ITSN1: variants seen among roughly 807,000 people sequenced by gnomAD.
ITSN1 encodes the protein intersectin 1.
In ITSN1, 58 loss-of-function variants were observed where a neutral mutation model predicts 239.8. The ratio of observed to expected loss-of-function variants is 0.24; its 90% CI spans 0.20 to 0.30. The LOEUF (loss-of-function observed/expected upper bound fraction) is 0.30, where lower values mean the gene tolerates loss of function less well. ITSN1 is among the 10% of genes least tolerant of loss of function. The probability of loss-of-function intolerance (pLI) is 1.00; values close to 1 mark genes in which losing one functional copy is unlikely to be tolerated. For synonymous variants in ITSN1, 780 were observed against 770.8 expected (o/e 1.01, Z -0.20); for missense variants, 1,558 against 2,103.3 (o/e 0.74, Z 5.07).
At chr21:33,781,929 T>G (rs1602202136) in intron 15 of ITSN1, 65 bp from the exon 16 acceptor site, 1 of 1,450,994 alleles carries the variant, frequency 6.9e-7, no homozygotes, top group Non-Finnish European at 9.4e-7. Context: ...ATGAGAACAT[T>G]AAAAAACATT....
intron 27 of ITSN1, among the ~76,000 whole-genome samples, chr21:33,830,903 G>A (rs955972230): frequency 1.3e-5 from 2 of 151,594 alleles, no homozygotes; most frequent in African/African-American, 2.4e-5. Context: ...AGAGGGTGGG[G>A]GGGGAGGGAG....
chr21:33,861,165 G>A (rs768340275), intron 31 of ITSN1, among the ~76,000 whole-genome samples: 2 of 152,196 alleles, frequency 1.3e-5, no homozygotes, highest in Non-Finnish European at 2.9e-5. Context: ...GAATTGTAGA[G>A]TGAACACCCA....
intron 1 of ITSN1, among the ~76,000 whole-genome samples, chr21:33,655,031 T>C (rs764267887): frequency 1.1e-4 from 17 of 152,098 alleles, no homozygotes; most frequent in Non-Finnish European, 1.5e-4. Flanking sequence ...TTTTTTTCAC[T>C]ATGTCTAGGG....
intron 38 of ITSN1, 61 bp from the exon 39 acceptor site, chr21:33,886,226 A>T: frequency 7.1e-7 from 1 of 1,411,928 alleles, no homozygotes; most frequent in Non-Finnish European, 9.7e-7. Flanking sequence ...AAAAAAAAAA[A>T]AAGAGTGGAG....
At chr21:33,735,280 C>G (rs781128528) in intron 5 of ITSN1, 76 bp downstream of exon 5, 1 of 1,419,328 alleles carries the variant, frequency 7.0e-7, no homozygotes, top group Middle Eastern at 1.9e-4. Context: ...TTTTCCCTCT[C>G]GGTTTATAAC....
chr21:33,875,681 G>GTATT (rs905047388), intron 34 of ITSN1, among the ~76,000 whole-genome samples, 160 bp downstream of exon 34: 3 of 152,084 alleles, frequency 2.0e-5, no homozygotes, highest in East Asian at 1.9e-4. Flanking sequence ...CACCCACTGA[G>GTATT]TATTTATTTA....
intron 1 of ITSN1, among the ~76,000 whole-genome samples, chr21:33,717,775 G>A (rs1393859332): frequency 6.6e-6 from 1 of 152,000 alleles, no homozygotes; most frequent in African/African-American, 2.4e-5. Flanking sequence ...TACCGTGTTA[G>A]CTAGGATGGT....
At chr21:33,699,101 A>T (rs539064954) in intron 1 of ITSN1, among the ~76,000 whole-genome samples, 3 of 152,020 alleles carry the variant, frequency 2.0e-5, no homozygotes, top group East Asian at 3.9e-4. Context: ...ATTTTTTTTT[A>T]TGTTTCTGAG....
At chr21:33,813,511 C>G (rs2073056696) in intron 21 of ITSN1, among the ~76,000 whole-genome samples, 1 of 152,092 alleles carries the variant, frequency 6.6e-6, no homozygotes, top group Non-Finnish European at 1.5e-5. Flanking sequence ...CGCCACCACA[C>G]CCAGCTAATT....
At chr21:33,762,444 T>G (rs1468361513) in intron 9 of ITSN1, among the ~76,000 whole-genome samples, 1 of 151,764 alleles carries the variant, frequency 6.6e-6, no homozygotes, top group Non-Finnish European at 1.5e-5. Context: ...TTTTGAATTT[T>G]TAGTAGGACA....
rs537416297 is a variant in ITSN1, at chr21:33,681,798, G to A, written c.-32-36999G>A. On this transcript the variant is annotated intron_variant, in intron 1 of 39. Transcript: ENST00000381318. ...TCATTCTCCTGCCTCAGCCTCCTGA[G>A]TAGCTGGGACTACAGGCGCCCACCA... 5.9e-5 allele frequency among the ~76,000 whole-genome samples: 9 copies of A among 151,864 alleles called. No individual in the cohort carries two copies. In the South Asian group the frequency reaches 1.3e-3, roughly 21 times the overall value.
At chr21:33,843,713 A>G (rs9808829) in intron 29 of ITSN1, among the ~76,000 whole-genome samples, 3,571 of 152,308 alleles carry the variant, frequency 0.023, 135 homozygotes, top group African/African-American at 0.082. Context: ...TGGGGACCTT[A>G]TAGAGGCTAA....
intron 33 of ITSN1, among the ~76,000 whole-genome samples, chr21:33,872,514 T>C (rs1448359207): frequency 6.6e-6 from 1 of 152,140 alleles, no homozygotes. Context: ...GGTAGTATGA[T>C]CCAATTTTTA....
intron 1 of ITSN1, among the ~76,000 whole-genome samples, chr21:33,705,134 A>C (rs113030768): frequency 0.024 from 3,642 of 150,842 alleles, 107 homozygotes; most frequent in African/African-American, 0.069. Context: ...AAAAAAGACA[A>C]AATGTTTTAA....
chr21:33,738,662 A>G (rs1417728191), intron 5 of ITSN1, among the ~76,000 whole-genome samples: 1 of 151,082 alleles, frequency 6.6e-6, no homozygotes, highest in African/African-American at 2.4e-5. Flanking sequence ...GGCCTCCCAA[A>G]CTCCTGGCAT....
chr21:33,813,933 A>G lies in ITSN1; in HGVS notation c.2588A>G (p.Glu863Gly), dbSNP rs141514423. ...TCCAGGTGGCCCACCAGCACGAATG[A>G]GAAACCAGAAACGGATAACTGGGAT... ...FSSTWPTSTN[E>G]KPETDNWDAW... is the part of the protein sequence containing the mutation. Residue 863 changes from glutamate (E) to glycine (G), a missense_variant, in exon 22 of 40, where the codon GAG (glutamate) becomes GGG (glycine). This residue lies in a region of ITSN1 where 982 missense variants were observed against 1,209.9 expected (regional missense o/e 0.81). Coordinates refer to ENST00000381318, the MANE Select transcript of ITSN1 (RefSeq NM_003024.3). 3.7e-6 allele frequency: 6 copies of G among 1,613,616 alleles called. No homozygotes were observed. The highest frequency in any genetic ancestry group is 5.1e-6 in the Non-Finnish European group (6 of 1,179,960).
chr21:33,655,620 A>T (rs776037935), intron 1 of ITSN1, among the ~76,000 whole-genome samples: 1 of 139,302 alleles, frequency 7.2e-6, no homozygotes, highest in Non-Finnish European at 1.5e-5. Context: ...TTTAGTAGAG[A>T]TGGGGTTTCG....
In ITSN1 at chr21:33,899,022, G is replaced by A. The variant is rs1252164808; in HGVS notation, c.*10722G>A. On this transcript the variant is annotated 3_prime_UTR_variant, in exon 40 of 40. Coordinates refer to ENST00000381318, the MANE Select transcript of ITSN1 (RefSeq NM_003024.3). ...AGCCTTGGAAGGCCACCTAAGGCCT[G>A]CCAGCAGAGGAGATGAGCTCTGGTC... The A allele has an allele frequency of 6.6e-6, 1 of 152,302 alleles. No homozygotes were observed. Among genetic ancestry groups the A allele is most frequent in the African/African-American group, 2.4e-5 (1 of 41,478 alleles). The allele number at this position is 152,302 out of a possible 1,614,324, so 9.4% of individuals were successfully genotyped here.
At chr21:33,692,138 T>C (rs1044059726) in intron 1 of ITSN1, among the ~76,000 whole-genome samples, 2 of 151,988 alleles carry the variant, frequency 1.3e-5, no homozygotes, top group African/African-American at 4.8e-5. Context: ...CTGGAGGAGG[T>C]TGCGGCTTCG....
Sources: gnomAD v4.1 joint callset for allele counts (sites outside exome capture counted in the v4.1 genomes callset) on GRCh38, gnomAD v4.1.1 for gene constraint, gnomAD v4.1.1 regional missense constraint, MANE v1.5 for transcripts, NCBI Gene and HGNC (gene_info 2026-07-23, HGNC 2026-07-21) for gene names.